Variants in CCNT1 observed in about 807,000 individuals in gnomAD.
CCNT1 encodes the protein cyclin-T1.
CCNT1 carries 18 observed loss-of-function variants against 67.3 expected under a neutral mutation model. The observed-to-expected ratio is 0.27, with a 90% CI of 0.18 to 0.40. The LOEUF (loss-of-function observed/expected upper bound fraction) is 0.40, where lower values mean the gene tolerates loss of function less well. CCNT1 is among the 10% of genes least tolerant of loss of function. The pLI is 1.00. For synonymous variants in CCNT1, 333 were observed against 310.3 expected, an observed-to-expected ratio of 1.07 and a Z score of -0.77; for missense variants, 744 against 884.9, an observed-to-expected ratio of 0.84 and a Z score of 2.02.
rs552696437 is a variant in CCNT1 at position 48,692,916 on chromosome 12, T to C, written c.*117A>G. The C allele has an allele frequency of 4.0e-5, 28 of 696,082 alleles. No homozygotes were observed. The African/African-American group carries it at 4.7e-4, about 12-fold the overall frequency. The allele number at this position is 696,082 out of a possible 1,614,324, so 43.1% of individuals were successfully genotyped here. On this transcript the variant is annotated 3_prime_UTR_variant, in exon 9 of 9. Transcript: ENST00000261900. The stretch of plus-strand genomic sequence containing the variant: ...CCTCCTAACTATGTCTCAATATCAA[T>C]TTATTCCCTAGTCCAAGGATGACAT...
chr12:48,698,976 T>A (rs1293434727), intron 5 of CCNT1, among the ~76,000 whole-genome samples: 1 of 152,122 alleles, frequency 6.6e-6, no homozygotes, highest in Non-Finnish European at 1.5e-5. Context: ...AAAAAGTTTT[T>A]AATTAAGTAG....
intron 3 of CCNT1, among the ~76,000 whole-genome samples, chr12:48,702,507 G>A (rs565004786): frequency 5.9e-5 from 9 of 152,354 alleles, no homozygotes; most frequent in African/African-American, 7.2e-5. Flanking sequence ...AGAATGGGCC[G>A]GGTGCGGTGG....
intron 6 of CCNT1, 139 bp from the exon 7 acceptor site, chr12:48,696,301 G>A (rs1940167899): frequency 2.0e-6 from 1 of 505,202 alleles, no homozygotes; most frequent in Non-Finnish European, 3.2e-6. Context: ...AGAAGGGTAA[G>A]AAATATGCAA....
At chr12:48,713,248 T>C (rs1457414680) in intron 2 of CCNT1, among the ~76,000 whole-genome samples, 2 of 151,016 alleles carry the variant, frequency 1.3e-5, no homozygotes, top group African/African-American at 4.9e-5. Flanking sequence ...TTGCCCAGGC[T>C]GGTCTCCAAC....
In CCNT1 at chr12:48,688,566, C is replaced by T. The variant is rs535909125; in HGVS notation, c.*4467G>A. ...TAGCCAGACTATAAAATGTATACATCCTTTTTAAATTTTTTGAATTTTTTT... is the reference window on the plus strand; with the variant it reads ...TAGCCAGACTATAAAATGTATACATTCTTTTTAAATTTTTTGAATTTTTTT... On this transcript the variant is annotated 3_prime_UTR_variant, in exon 9 of 9. Coordinates refer to ENST00000261900, the MANE Select transcript of CCNT1 (RefSeq NM_001240.4). 6.6e-6 allele frequency: 1 copy of T among 152,108 alleles called. No individual in the cohort carries two copies. Among genetic ancestry groups the T allele is most frequent in the South Asian group, 2.1e-4 (1 of 4,820 alleles). The allele number at this position is 152,108 out of a possible 1,614,324, so 9.4% of individuals were successfully genotyped here. A position where few individuals can be genotyped will look rare whatever the true frequency, so the allele number is the denominator to read the frequency against.
chr12:48,709,895 A>ATTTTT (rs202022157), intron 2 of CCNT1, among the ~76,000 whole-genome samples: 3,340 of 142,758 alleles, frequency 0.023, 49 homozygotes, highest in African/African-American at 0.03. Flanking sequence ...GGGTTTCTTC[A>ATTTTT]TTTTTTTTTT....
chr12:48,716,632 G>A lies in CCNT1; in HGVS notation c.44C>T (p.Thr15Ile), dbSNP rs1309144383. ...TGGGCTATTTTCCAGCTGTTCTCGA[G>A]TGAAATACCACCGTTTGTTGTTGTT... ...RKNNNKRWYFTREQLENSPSR... is the reference protein window; with the variant it reads ...RKNNNKRWYFIREQLENSPSR... The change falls in exon 1 of 9, where the codon ACT becomes ATT. Residue 15 changes from threonine (T) to isoleucine (I), a missense_variant. Thr to Ile is a moderately conservative substitution (Grantham distance 89). Around this residue, in one of 3 missense-constraint regions of CCNT1, gnomAD observed 38 missense variants for 33.7 expected, o/e 1.13. Coordinates refer to ENST00000261900, the MANE Select transcript of CCNT1 (RefSeq NM_001240.4). 6.2e-7 allele frequency: 1 copy of A among 1,614,226 alleles called. No individual in the cohort carries two copies. The highest frequency in any genetic ancestry group is 1.7e-5 in the Admixed American group (1 of 60,020).
chr12:48,696,263 A>G (rs1346059713), intron 6 of CCNT1, 101 bp from the exon 7 acceptor site: 1 of 710,424 alleles, frequency 1.4e-6, no homozygotes, highest in Admixed American at 3.4e-5. Context: ...AAAAAAAAAA[A>G]AAAGGCTTAA....
intron 3 of CCNT1, among the ~76,000 whole-genome samples, chr12:48,704,757 C>T (rs1383599916): frequency 2.6e-5 from 4 of 151,906 alleles, no homozygotes; most frequent in East Asian, 1.9e-4. Flanking sequence ...TGCAGTGAGC[C>T]GAGATTGCGC....
chr12:48,707,728 G>T (rs1940384516), intron 2 of CCNT1, among the ~76,000 whole-genome samples: 1 of 147,680 alleles, frequency 6.8e-6, no homozygotes, highest in Non-Finnish European at 1.5e-5. Flanking sequence ...GTAATCTGAT[G>T]GTAGGTAAAA....
At chr12:48,708,283 A>C (rs1291874157) in intron 2 of CCNT1, among the ~76,000 whole-genome samples, 2 of 152,050 alleles carry the variant, frequency 1.3e-5, no homozygotes, top group Admixed American at 1.3e-4. Context: ...GTGGTGGCTC[A>C]CGCCTGTAAT....
intron 1 of CCNT1, among the ~76,000 whole-genome samples, chr12:48,715,930 GA>G (rs745495737): frequency 1.3e-5 from 2 of 152,190 alleles, no homozygotes; most frequent in Non-Finnish European, 2.9e-5. Context: ...CTGAGCATCT[GA>G]ATGCAAAGCA....
chr12:48,705,299 GTTGTTTTTC>G (rs929254876), intron 3 of CCNT1, among the ~76,000 whole-genome samples: 74 of 150,266 alleles, frequency 4.9e-4, no homozygotes, highest in African/African-American at 1.7e-3. Context: ...TGTTGTTGTT[GTTGTTTTTC>G]TTTTTTTGTA....
At chr12:48,695,043 C>G (rs919759128) in intron 8 of CCNT1, among the ~76,000 whole-genome samples, 1 of 152,062 alleles carries the variant, frequency 6.6e-6, no homozygotes, top group African/African-American at 2.4e-5. Context: ...AGGCTGGTCT[C>G]GAACTCCTGA....
At chr12:48,710,093 T>TG (rs1940425203) in intron 2 of CCNT1, among the ~76,000 whole-genome samples, 1 of 152,104 alleles carries the variant, frequency 6.6e-6, no homozygotes, top group African/African-American at 2.4e-5. Context: ...GGTTTCACCA[T>TG]GTTGGCCAGG....
rs147269278 is a variant in CCNT1, at chr12:48,706,430, G to A, written c.244-534C>T. ...AGTGAACTATATAATTTAAACAAAC[G>A]AATTTCATTGTACGTGAATTATATC... is the stretch of plus-strand genomic sequence containing the variant. On this transcript the variant is annotated intron_variant, in intron 2 of 8. Coordinates refer to ENST00000261900, the MANE Select transcript of CCNT1 (RefSeq NM_001240.4). 2.1e-3 allele frequency among the ~76,000 whole-genome samples: 324 copies of A among 152,202 alleles called. 3 individuals are homozygous for A. The highest frequency in any genetic ancestry group is 7.3e-3 in the African/African-American group (305 of 41,524).
chr12:48,700,964 CATTT>C (rs1276546333), intron 4 of CCNT1, 45 bp downstream of exon 4: 3 of 1,131,844 alleles, frequency 2.7e-6, no homozygotes, highest in Admixed American at 2.2e-5. Flanking sequence ...AGAATCAAAT[CATTT>C]TATTGCATAA....
At chr12:48,708,959 G>A (rs1345832073) in intron 2 of CCNT1, among the ~76,000 whole-genome samples, 1 of 152,136 alleles carries the variant, frequency 6.6e-6, no homozygotes, top group African/African-American at 2.4e-5. Flanking sequence ...ACTGGGCGTG[G>A]TGGCACTGTA....
intron 2 of CCNT1, among the ~76,000 whole-genome samples, chr12:48,709,415 C>T (rs1940414085): frequency 6.6e-6 from 1 of 152,110 alleles, no homozygotes; most frequent in Non-Finnish European, 1.5e-5. Context: ...ATACTCTGGG[C>T]ACAGCAATTC....
Sources: gnomAD v4.1 joint callset for allele counts (sites outside exome capture counted in the v4.1 genomes callset) on GRCh38, gnomAD v4.1.1 for gene constraint, gnomAD v4.1.1 regional missense constraint, MANE v1.5 for transcripts, NCBI Gene and HGNC (gene_info 2026-07-23, HGNC 2026-07-21) for gene names.